The following TIMP3 variants were observed in gnomAD, a reference collection of about 807,000 sequenced individuals.
The protein encoded by TIMP3 is metalloproteinase inhibitor 3.
TIMP3 carries 11 observed loss-of-function variants against 30.0 expected under a neutral mutation model. The ratio of observed to expected loss-of-function variants is 0.37; its 90% CI spans 0.23 to 0.61. The LOEUF is 0.61. TIMP3 is among the 20% of genes least tolerant of loss of function. The pLI, the probability that TIMP3 is intolerant of heterozygous loss-of-function variation, is 0.70. For synonymous variants in TIMP3, 112 were observed against 111.3 expected (o/e 1.01, Z -0.04); for missense variants, 181 against 276.8 (o/e 0.65, Z 2.45).
intron 1 of TIMP3, among the ~76,000 whole-genome samples, chr22:32,817,154 G>A (rs2047108144): frequency 6.6e-6 from 1 of 151,904 alleles, no homozygotes; most frequent in South Asian, 2.1e-4. Flanking sequence ...CGAGGTTGAG[G>A]CTGCAGTGAG....
At chr22:32,842,517 G>A (rs984250377) in intron 1 of TIMP3, among the ~76,000 whole-genome samples, 8 of 152,126 alleles carry the variant, frequency 5.3e-5, no homozygotes, top group Non-Finnish European at 1.0e-4. Flanking sequence ...AGAATCTTTC[G>A]GGTTCCTCTT....
At chr22:32,810,230 C>A (rs1373203257) in intron 1 of TIMP3, among the ~76,000 whole-genome samples, 2 of 152,172 alleles carry the variant, frequency 1.3e-5, no homozygotes, top group Non-Finnish European at 2.9e-5. Context: ...AGAGGGGCCC[C>A]AGAGAACCTT....
intron 1 of TIMP3, among the ~76,000 whole-genome samples, chr22:32,832,952 C>T (rs906139752): frequency 6.6e-5 from 10 of 152,074 alleles, no homozygotes; most frequent in African/African-American, 1.4e-4. Flanking sequence ...AGGCTGGTCT[C>T]GCACTCCTGA....
chr22:32,811,093 C>T (rs774602944), intron 1 of TIMP3, among the ~76,000 whole-genome samples: 3 of 152,076 alleles, frequency 2.0e-5, no homozygotes, highest in African/African-American at 4.8e-5. Flanking sequence ...ACCACTGAGA[C>T]AGTTGAAAGG....
At chr22:32,822,642 G>C (rs1292283853) in intron 1 of TIMP3, among the ~76,000 whole-genome samples, 1 of 152,174 alleles carries the variant, frequency 6.6e-6, no homozygotes, top group Non-Finnish European at 1.5e-5. Context: ...AGACTGCTTA[G>C]ATTATGGTGC....
chr22:32,808,990 T>A (rs1192974487), intron 1 of TIMP3, among the ~76,000 whole-genome samples: 3 of 152,196 alleles, frequency 2.0e-5, no homozygotes, highest in Non-Finnish European at 4.4e-5. Context: ...GTGGACATGA[T>A]ACCCTAGCAC....
intron 1 of TIMP3, among the ~76,000 whole-genome samples, chr22:32,813,176 G>A (rs550468838): frequency 4.6e-5 from 7 of 152,256 alleles, no homozygotes; most frequent in African/African-American, 1.4e-4. Context: ...TATGTTTATG[G>A]TTCCCCATTC....
At chr22:32,852,566 G>A (rs1209377585) in intron 2 of TIMP3, among the ~76,000 whole-genome samples, 1 of 152,124 alleles carries the variant, frequency 6.6e-6, no homozygotes, top group African/African-American at 2.4e-5. Flanking sequence ...GTGAGCAAGG[G>A]CTTCCTTAGA....
At position 32,814,498 on chromosome 22, in the gene TIMP3, C is replaced by T. The variant is rs535696255; in HGVS notation, c.121+12376C>T. Reference sequence around the variant, plus strand: ...AACAGAAACCACTGCCCATCTTTTTCTAACGGAGAAAGACAAGAGATGGCT... The same window carrying T: ...AACAGAAACCACTGCCCATCTTTTTTTAACGGAGAAAGACAAGAGATGGCT... On this transcript the variant is annotated intron_variant, in intron 1 of 4. Coordinates refer to ENST00000266085, the MANE Select transcript of TIMP3 (RefSeq NM_000362.5). Among the ~76,000 whole-genome samples, 147 of 152,268 alleles carry T rather than the reference C, an allele frequency of 9.7e-4. 1 individual carries two copies. Among genetic ancestry groups the T allele is most frequent in the African/African-American group, 2.1e-3 (86 of 41,558 alleles).
chr22:32,826,564 G>C (rs2047419803), intron 1 of TIMP3, among the ~76,000 whole-genome samples: 1 of 152,186 alleles, frequency 6.6e-6, no homozygotes, highest in South Asian at 2.1e-4. Context: ...TATCTGCATT[G>C]TACAGATGAC....
At chr22:32,852,384 T>C (rs2048244684) in intron 2 of TIMP3, among the ~76,000 whole-genome samples, 1 of 152,202 alleles carries the variant, frequency 6.6e-6, no homozygotes, top group African/African-American at 2.4e-5. Context: ...TGGTTTATCA[T>C]CCAGCAGTGT....
At chr22:32,807,973 GT>G (rs952473625) in intron 1 of TIMP3, among the ~76,000 whole-genome samples, 12 of 151,726 alleles carry the variant, frequency 7.9e-5, no homozygotes, top group African/African-American at 1.9e-4. Context: ...CTTACTGAGT[GT>G]TTTTTTTCCT....
intron 1 of TIMP3, among the ~76,000 whole-genome samples, chr22:32,806,808 C>T (rs2046753606): frequency 6.6e-6 from 1 of 152,062 alleles, no homozygotes; most frequent in African/African-American, 2.4e-5. Flanking sequence ...ATCTCTCTAT[C>T]TAAAATCGGA....
At chr22:32,814,890 A>C (rs1485607725) in intron 1 of TIMP3, among the ~76,000 whole-genome samples, 3 of 152,252 alleles carry the variant, frequency 2.0e-5, no homozygotes, top group Non-Finnish European at 4.4e-5. Flanking sequence ...TCATGTTTAA[A>C]AAAACGAGGA....
intron 1 of TIMP3, among the ~76,000 whole-genome samples, chr22:32,803,373 C>T (rs1602187652): frequency 6.6e-6 from 1 of 151,170 alleles, no homozygotes; most frequent in South Asian, 2.1e-4. Flanking sequence ...CAGTGAGGGC[C>T]GGGAGGGGCA....
At position 32,857,278 on chromosome 22, in the gene TIMP3, T is replaced by C; in HGVS notation, c.234T>C (p.His78=). Residue 78 remains histidine (H), a synonymous_variant, in exon 3 of 5, where the codon CAT becomes CAC. Coordinates refer to ENST00000266085, the MANE Select transcript of TIMP3 (RefSeq NM_000362.5). ...ACCGAGGCTTCACCAAGATGCCCCA[T>C]GTGCAGTACATCCATACGGAAGCTT... ...KMYRGFTKMP[H]VQYIHTEASE... 1.2e-6 allele frequency: 2 copies of C among 1,614,086 alleles called. No individual in the cohort carries two copies. Among genetic ancestry groups the C allele is most frequent in the East Asian group, 2.2e-5 (1 of 44,868 alleles).
At chr22:32,835,305 A>C (rs929915658) in intron 1 of TIMP3, among the ~76,000 whole-genome samples, 1 of 152,176 alleles carries the variant, frequency 6.6e-6, no homozygotes, top group East Asian at 1.9e-4. Context: ...GGTTAGATAC[A>C]ATTGTGAGCA....
At chr22:32,806,178 T>TGTG (rs2046730395) in intron 1 of TIMP3, among the ~76,000 whole-genome samples, 3 of 151,930 alleles carry the variant, frequency 2.0e-5, no homozygotes, top group Non-Finnish European at 1.5e-5. Context: ...GGTCTGCCAG[T>TGTG]GTGGTAGGAG....
rs1196390650 is a variant in TIMP3, at chr22:32,863,002, C to T, written c.*3625C>T. ...ATAATGTTCACTTTTTATAGTGTGT[C>T]CTTTATTCTAAACAGTAAAGTGGTT... On this transcript the variant is annotated 3_prime_UTR_variant, in exon 5 of 5. Coordinates refer to ENST00000266085, the MANE Select transcript of TIMP3 (RefSeq NM_000362.5). 6.6e-6 allele frequency: 1 copy of T among 152,608 alleles called. No individual in the cohort carries two copies. The highest frequency in any genetic ancestry group is 1.5e-5 in the Non-Finnish European group (1 of 68,020). The allele number at this position is 152,608 out of a possible 1,614,324, so 9.5% of individuals were successfully genotyped here. A position where few individuals can be genotyped will look rare whatever the true frequency, so the allele number is the denominator to read the frequency against.
Sources: gnomAD v4.1 joint callset for allele counts (sites outside exome capture counted in the v4.1 genomes callset) on GRCh38, gnomAD v4.1.1 for gene constraint, MANE v1.5 for transcripts, NCBI Gene and HGNC (gene_info 2026-07-23, HGNC 2026-07-21) for gene names.